Variants in NKAIN2 observed in about 807,000 individuals in gnomAD.
NKAIN2 encodes the protein sodium/potassium-transporting ATPase subunit beta-1-interacting protein 2.
NKAIN2 carries 14 observed loss-of-function variants against 32.6 expected under a neutral mutation model. That is an observed-to-expected ratio of 0.43 (90% confidence interval 0.28 to 0.67). The LOEUF is 0.67. NKAIN2 is among the 30% of genes least tolerant of loss of function. The probability of loss-of-function intolerance (pLI) is 0.17; values close to 1 mark genes in which losing one functional copy is unlikely to be tolerated. For synonymous variants in NKAIN2, 80 were observed against 87.2 expected, an observed-to-expected ratio of 0.92 and a Z score of 0.46; for missense variants, 198 against 258.3, an observed-to-expected ratio of 0.77 and a Z score of 1.60.
At chr6:124,226,407 T>G (rs1389086128) in intron 1 of NKAIN2, among the ~76,000 whole-genome samples, 2 of 152,058 alleles carry the variant, frequency 1.3e-5, no homozygotes, top group Non-Finnish European at 2.9e-5. Context: ...TGCTCGAGTG[T>G]TCTAACTTTT....
At chr6:124,481,349 G>A (rs1777442676) in intron 3 of NKAIN2, among the ~76,000 whole-genome samples, 1 of 151,906 alleles carries the variant, frequency 6.6e-6, no homozygotes, top group African/African-American at 2.4e-5. Flanking sequence ...AATCAGGGAA[G>A]AATGGACTAC....
At chr6:124,723,292 T>C (rs1191486782) in intron 4 of NKAIN2, among the ~76,000 whole-genome samples, 1 of 152,208 alleles carries the variant, frequency 6.6e-6, no homozygotes, top group Non-Finnish European at 1.5e-5. Context: ...CAGTGACAAT[T>C]TACATCACGG....
chr6:124,823,398 A>G lies in NKAIN2; in HGVS notation c.*169A>G. ...AACACTGACACACACACACACACACACGTGAGCACGCACACACCAATTCCA... is the reference window on the plus strand; with the variant it reads ...AACACTGACACACACACACACACACGCGTGAGCACGCACACACCAATTCCA... On this transcript the variant is annotated 3_prime_UTR_variant, in exon 7 of 7. Transcript: ENST00000368417. 1 of 516,594 alleles carries G rather than the reference A, an allele frequency of 1.9e-6. No individual in the cohort carries two copies. Among genetic ancestry groups the G allele is most frequent in the Non-Finnish European group, 3.5e-6 (1 of 282,882 alleles). The allele number at this position is 516,594 out of a possible 1,614,324, so 32.0% of individuals were successfully genotyped here.
At chr6:124,293,155 A>G (rs1193949192) in intron 2 of NKAIN2, among the ~76,000 whole-genome samples, 2 of 152,092 alleles carry the variant, frequency 1.3e-5, no homozygotes, top group Non-Finnish European at 2.9e-5. Context: ...AGTTTCCTTC[A>G]ATTATTAAGA....
intron 5 of NKAIN2, among the ~76,000 whole-genome samples, chr6:124,806,466 C>A (rs1006047191): frequency 6.6e-6 from 1 of 150,948 alleles, no homozygotes; most frequent in African/African-American, 2.5e-5. Flanking sequence ...ACCAGGCCTG[C>A]CTAAAAGAGC....
chr6:124,353,627 C>T (rs573068258), intron 2 of NKAIN2, among the ~76,000 whole-genome samples: 19 of 152,066 alleles, frequency 1.2e-4, no homozygotes, highest in African/African-American at 2.4e-4. Context: ...TAGTGGCAGG[C>T]GCCTGTAGTC....
At chr6:124,547,764 T>C (rs1289430294) in intron 3 of NKAIN2, among the ~76,000 whole-genome samples, 1 of 152,212 alleles carries the variant, frequency 6.6e-6, no homozygotes, top group African/African-American at 2.4e-5. Flanking sequence ...GGGTGATTAA[T>C]TTCAGATAGT....
intron 1 of NKAIN2, among the ~76,000 whole-genome samples, chr6:124,183,138 A>C (rs895141142): frequency 1.3e-5 from 2 of 152,118 alleles, no homozygotes; most frequent in African/African-American, 4.8e-5. Flanking sequence ...TTCATATTGC[A>C]TTGGGGTTAA....
intron 2 of NKAIN2, among the ~76,000 whole-genome samples, chr6:124,288,051 C>G (rs1795642053): frequency 6.6e-6 from 1 of 152,028 alleles, no homozygotes; most frequent in Non-Finnish European, 1.5e-5. Context: ...AAATCTATTA[C>G]TCAGATTTTA....
chr6:124,353,145 A>G (rs1190343340), intron 2 of NKAIN2, among the ~76,000 whole-genome samples: 1 of 152,204 alleles, frequency 6.6e-6, no homozygotes, highest in Non-Finnish European at 1.5e-5. Context: ...CTACTTATTC[A>G]TTGACTTACA....
intron 4 of NKAIN2, among the ~76,000 whole-genome samples, chr6:124,661,862 T>A (rs2114440582): frequency 6.6e-6 from 1 of 151,082 alleles, no homozygotes; most frequent in Non-Finnish European, 1.5e-5. Flanking sequence ...GGGGAGATAT[T>A]ATTGTTCACG....
chr6:124,605,600 AATTCT>A (rs1782468399), intron 3 of NKAIN2, among the ~76,000 whole-genome samples: 1 of 151,430 alleles, frequency 6.6e-6, no homozygotes, highest in Admixed American at 6.6e-5. Flanking sequence ...TAGAATTTCA[AATTCT>A]ATTGTGATGA....
At chr6:124,618,354 T>G (rs1320174379) in intron 3 of NKAIN2, among the ~76,000 whole-genome samples, 1 of 152,162 alleles carries the variant, frequency 6.6e-6, no homozygotes, top group African/African-American at 2.4e-5. Context: ...GGTGGGTGCC[T>G]GTAATCCCAC....
chr6:124,607,125 T>C (rs1782532026), intron 3 of NKAIN2, among the ~76,000 whole-genome samples: 1 of 152,124 alleles, frequency 6.6e-6, no homozygotes, highest in Non-Finnish European at 1.5e-5. Flanking sequence ...TAAATACCTA[T>C]TGTCAAACTT....
At chr6:124,679,534 T>A (rs1773521931) in intron 4 of NKAIN2, among the ~76,000 whole-genome samples, 1 of 152,168 alleles carries the variant, frequency 6.6e-6, no homozygotes, top group Non-Finnish European at 1.5e-5. Flanking sequence ...TTTTTCTGGC[T>A]TTGATGCAGC....
At chr6:124,197,687 C>T (rs1004319941) in intron 1 of NKAIN2, among the ~76,000 whole-genome samples, 5 of 152,098 alleles carry the variant, frequency 3.3e-5, no homozygotes, top group Non-Finnish European at 7.4e-5. Flanking sequence ...ATAAACATCA[C>T]TGCAGTCAAG....
At chr6:124,710,042 G>A (rs1389294731) in intron 4 of NKAIN2, among the ~76,000 whole-genome samples, 86 of 151,956 alleles carry the variant, frequency 5.7e-4, no homozygotes, top group Admixed American at 9.2e-4. Context: ...CTTTGTTCTC[G>A]TTGGTTTCAA....
intron 1 of NKAIN2, among the ~76,000 whole-genome samples, chr6:124,149,400 A>G (rs1316363582): frequency 6.6e-6 from 1 of 152,104 alleles, no homozygotes; most frequent in African/African-American, 2.4e-5. Flanking sequence ...TTTTTCTAAG[A>G]GATTATAGTT....
chr6:123,807,458 A>G (rs556499030), intron 1 of NKAIN2, among the ~76,000 whole-genome samples: 4 of 152,120 alleles, frequency 2.6e-5, no homozygotes, highest in Admixed American at 1.3e-4. Flanking sequence ...GATTTCAGAT[A>G]GTAACAAAAA....
Sources: allele counts gnomAD v4.1 joint callset (sites outside exome capture counted in the v4.1 genomes callset), GRCh38; gene constraint gnomAD v4.1.1; transcripts MANE v1.5; gene names NCBI Gene and HGNC (gene_info 2026-07-23, HGNC 2026-07-21).